LRWD1: variants seen among roughly 807,000 people sequenced by gnomAD.
LRWD1 encodes leucine rich repeats and WD repeat domain containing 1, also known as leucine-rich repeat and WD repeat-containing protein 1.
LRWD1 carries 76 observed loss-of-function variants against 75.6 expected under a neutral mutation model. That is an observed-to-expected ratio of 1.01 (90% CI 0.84 to 1.22). LRWD1 has a LOEUF of 1.22. Ranked by LOEUF, LRWD1 falls within the 50% of genes most tolerant of loss-of-function variation. The pLI is 0.00. For synonymous variants in LRWD1, 487 were observed against 377.0 expected (o/e 1.29, Z -3.38); for missense variants, 917 against 862.0 (o/e 1.06, Z -0.80).
At chr7:102,466,728 A>AAGTAGCTT (rs147956923) in intron 3 of LRWD1, among the ~76,000 whole-genome samples, 9,084 of 142,256 alleles carry the variant, frequency 0.064, 338 homozygotes, top group Non-Finnish European at 0.074. Context: ...TGACTCTTCT[A>AAGTAGCTT]AGTAGCTTTT....
intron 1 of LRWD1, chr7:102,465,407 G>A (rs1797929359): frequency 4.7e-6 from 2 of 429,916 alleles, no homozygotes; most frequent in Non-Finnish European, 8.2e-6. Context: ...GAGGGCCTGG[G>A]AAGCACAGAC....
intron 13 of LRWD1, 26 bp from the exon 14 acceptor site, chr7:102,472,666 C>T (rs1327706727): frequency 1.9e-6 from 3 of 1,612,106 alleles, no homozygotes; most frequent in Non-Finnish European, 2.5e-6. Context: ...TCTGCCCCCA[C>T]TCAGACTCCA....
rs201799338 is a variant in LRWD1 at position 102,472,686 on chromosome 7, C to T, written c.1691-6C>T. On this transcript the variant is annotated splice_region_variant and splice_polypyrimidine_tract_variant and intron_variant, in intron 13 of 14. Transcript: ENST00000292616. ...CCCCACTCAGACTCCACCTCTGTCC[C>T]GGCAGATAAGGGGATTGTGCTCTGT... The T allele has an allele frequency of 1.1e-4, 170 of 1,613,404 alleles. No homozygotes were observed. In the East Asian group the frequency reaches 1.4e-3, roughly 13 times the overall value.
rs1375002144 is a variant in LRWD1, at chr7:102,472,734, G to A, written c.1733G>A (p.Trp578Ter). Residue 578 changes from tryptophan to a stop codon, truncating the protein, a stop_gained, in exon 14 of 15, where the codon TGG becomes TAG. Transcript: ENST00000292616. LOFTEE classifies it high-confidence loss of function. Reference sequence around the variant, plus strand: ...TGTGGGGATGAGGAGGGCAACGTGTGGCTCTACGACGTCAGCAACATCCTG... The same window carrying A: ...TGTGGGGATGAGGAGGGCAACGTGTAGCTCTACGACGTCAGCAACATCCTG... ...VLCGDEEGNV[W>*]LYDVSNILKQ... is the part of the protein sequence containing the mutation. The A allele has an allele frequency of 6.2e-7, 1 of 1,613,548 alleles. No homozygotes were observed. The highest frequency in any genetic ancestry group is 8.5e-7 in the Non-Finnish European group (1 of 1,179,966).
intron 8 of LRWD1, 53 bp from the exon 9 acceptor site, chr7:102,468,800 CGT>C: frequency 1.3e-6 from 2 of 1,587,344 alleles, no homozygotes; most frequent in Non-Finnish European, 1.7e-6. Flanking sequence ...GGGCTACCCG[CGT>C]GTTCACACCA....
intron 8 of LRWD1, 80 bp downstream of exon 8, chr7:102,468,734 C>A: frequency 6.6e-7 from 1 of 1,524,800 alleles, no homozygotes; most frequent in Non-Finnish European, 8.9e-7. Context: ...GATGCAGGCT[C>A]GGCCCCCTGC....
At chr7:102,468,495 G>GGGA in intron 7 of LRWD1, 59 bp from the exon 8 acceptor site, 1 of 1,545,714 alleles carries the variant, frequency 6.5e-7, no homozygotes. Flanking sequence ...GGAGGCTGCA[G>GGGA]GGAGGACCTA....
rs781363703 is a variant in LRWD1 at position 102,472,324 on chromosome 7, C to T, written c.1534+15C>T. On this transcript the variant is annotated intron_variant, in intron 12 of 14. Coordinates refer to ENST00000292616, the MANE Select transcript of LRWD1 (RefSeq NM_152892.3). ...GGACATCGTGGGTGAGTGAGCTCAG[C>T]TTGTGGGACAGCCTGGCCTCCGGGC... 3.2e-5 allele frequency: 50 copies of T among 1,562,380 alleles called. No homozygotes were observed. The highest frequency in any genetic ancestry group is 2.0e-4 in the South Asian group (17 of 85,196).
rs1385839265 is a variant in LRWD1, at chr7:102,468,069, T to A, written c.686T>A (p.Leu229Gln). ...ACAAGGCCCCCTCCACAGGCCAGAC[T>A]GGCGGCCTTGAAACGGCCAGACGAC... is the stretch of plus-strand genomic sequence containing the variant. ...AGAAHKPRAR[L>Q]AALKRPDDVP... The change falls in exon 6 of 15, where the codon CTG becomes CAG. Residue 229 changes from leucine to glutamine, a missense_variant. Leu to Gln is a moderately radical substitution (Grantham distance 113). Transcript: ENST00000292616. 1 of 1,608,324 alleles carries A rather than the reference T, an allele frequency of 6.2e-7. No individual in the cohort carries two copies. The highest frequency in any genetic ancestry group is 1.3e-5 in the African/African-American group (1 of 74,908).
At chr7:102,465,317 C>A in intron 1 of LRWD1, 157 bp downstream of exon 1, 1 of 777,366 alleles carries the variant, frequency 1.3e-6, no homozygotes, top group Non-Finnish European at 1.9e-6. Flanking sequence ...GTGGCCCCAC[C>A]CGCTCGCCGG....
chr7:102,467,952 C>T (rs1175924956), intron 5 of LRWD1, 110 bp from the exon 6 acceptor site: 3 of 1,512,594 alleles, frequency 2.0e-6, no homozygotes, highest in South Asian at 2.5e-5. Context: ...CTAGGTGACC[C>T]CGGGCCAGCC....
At chr7:102,467,117 G>GT (rs1365143902) in intron 3 of LRWD1, among the ~76,000 whole-genome samples, 356 of 71,720 alleles carry the variant, frequency 5.0e-3, no homozygotes, top group African/African-American at 0.014. Flanking sequence ...GTTGTTGCTG[G>GT]GGTGTGTGTG....
rs769215241 is a variant in LRWD1 at position 102,467,810 on chromosome 7, C to G, written c.665C>G (p.Ala222Gly). 1 of 1,550,372 alleles carries G rather than the reference C, an allele frequency of 6.5e-7. No individual in the cohort carries two copies. Among genetic ancestry groups the G allele is most frequent in the South Asian group, 1.2e-5 (1 of 84,000 alleles). ...SPEKPPEAGA[A>G]HKPRARLAAL... ...GAGAAGCCCCCAGAAGCTGGAGCTG[C>G]CCACAAGCCCAGGGTGAGTGCAGCT... Residue 222 changes from alanine to glycine, a missense_variant, in exon 5 of 15, where the codon GCC becomes GGC. Coordinates refer to ENST00000292616, the MANE Select transcript of LRWD1 (RefSeq NM_152892.3).
In LRWD1 at chr7:102,469,523, G is replaced by A. The variant is rs1798121675; in HGVS notation, c.1229-51G>A. On this transcript the variant is annotated intron_variant, in intron 9 of 14. Coordinates refer to ENST00000292616, the MANE Select transcript of LRWD1 (RefSeq NM_152892.3). ...CAGCCTGGGATGCAGCCAGCAGGAG[G>A]GAGCAGGGTCATCTCAGGGCCACTT... 6 of 1,602,538 alleles carry A rather than the reference G, an allele frequency of 3.7e-6. 1 individual carries two copies. In the South Asian group the frequency reaches 6.6e-5, roughly 18 times the overall value.
chr7:102,467,566 C>T (rs111931759), intron 4 of LRWD1, 87 bp downstream of exon 4: 103,552 of 1,567,262 alleles, frequency 0.066, 3,734 homozygotes, highest in Non-Finnish European at 0.074. Context: ...GGCTGAGGGG[C>T]TGTGGGAGTG....
rs1797973060 is a variant in LRWD1, at chr7:102,466,278, G to A, written c.432+8G>A. ...CGGGAGCTGACCAGCAGGGTAAGGG[G>A]ATGAGAGGATTATTGTGTGCTTAGG... On this transcript the variant is annotated splice_region_variant and intron_variant, in intron 3 of 14. Coordinates refer to ENST00000292616, the MANE Select transcript of LRWD1 (RefSeq NM_152892.3). The A allele has an allele frequency of 5.0e-6, 8 of 1,603,852 alleles. No individual in the cohort carries two copies. Among genetic ancestry groups the A allele is most frequent in the Non-Finnish European group, 6.0e-6 (7 of 1,170,868 alleles).
chr7:102,469,129 C>T (rs932323781), intron 9 of LRWD1, 67 bp downstream of exon 9: 37 of 1,391,592 alleles, frequency 2.7e-5, no homozygotes, highest in Non-Finnish European at 3.0e-5. Flanking sequence ...GTAGCCTCCA[C>T]GCTCCCCTCC....
At chr7:102,467,024 C>T (rs1798005164) in intron 3 of LRWD1, among the ~76,000 whole-genome samples, 1 of 151,028 alleles carries the variant, frequency 6.6e-6, no homozygotes, top group Non-Finnish European at 1.5e-5. Flanking sequence ...GATGCTTCTT[C>T]CTCAGCCTCC....
At chr7:102,465,660 A>AC (rs2133261326) in intron 1 of LRWD1, 157 bp from the exon 2 acceptor site, 4 of 625,238 alleles carry the variant, frequency 6.4e-6, no homozygotes, top group Admixed American at 5.5e-5. Context: ...CGACTGAGTG[A>AC]CACCCCGTCT....
Sources: gnomAD v4.1 joint callset for allele counts (sites outside exome capture counted in the v4.1 genomes callset) on GRCh38, gnomAD v4.1.1 for gene constraint, MANE v1.5 for transcripts, NCBI Gene and HGNC (gene_info 2026-07-23, HGNC 2026-07-21) for gene names.